Variants in CHRNB4 observed in about 807,000 individuals in gnomAD.
The protein encoded by CHRNB4 is neuronal acetylcholine receptor subunit beta-4.
A neutral mutation model predicts 40.4 loss-of-function variants in CHRNB4; 23 were observed. The observed-to-expected ratio is 0.57, with a 90% CI of 0.41 to 0.81. The LOEUF is 0.81. CHRNB4 is among the 30% of genes least tolerant of loss of function. The pLI, the probability that CHRNB4 is intolerant of heterozygous loss-of-function variation, is 0.00. For missense variants in CHRNB4, 568 were observed against 670.6 expected (o/e 0.85, Z 1.69); for synonymous variants, 285 against 274.4 (o/e 1.04, Z -0.38).
upstream of CHRNB4, among the ~76,000 whole-genome samples, chr15:78,646,042 A>G (rs1195226910): frequency 2.0e-5 from 3 of 148,064 alleles, no homozygotes; most frequent in Admixed American, 2.0e-4. Flanking sequence ...CCTGGGCGAC[A>G]GAGTGAGACC....
intron 1 of CHRNB4, among the ~76,000 whole-genome samples, chr15:78,638,547 G>C (rs2054002407): frequency 6.6e-6 from 1 of 152,146 alleles, no homozygotes; most frequent in Non-Finnish European, 1.5e-5. Flanking sequence ...GCCCCACAGA[G>C]CCTGGAAATG....
intron 1 of CHRNB4, among the ~76,000 whole-genome samples, chr15:78,638,891 G>A (rs573027214): frequency 6.6e-6 from 1 of 152,204 alleles, no homozygotes; most frequent in Non-Finnish European, 1.5e-5. Context: ...CCCATGGGCT[G>A]ACAGTTAAAC....
intron 2 of CHRNB4, chr15:78,658,261 C>G (rs985938502): frequency 6.6e-6 from 1 of 152,052 alleles, no homozygotes; most frequent in Non-Finnish European, 1.5e-5. Flanking sequence ...GAACTCCTGA[C>G]CTCAGGTGAT....
intron 2 of CHRNB4, among the ~76,000 whole-genome samples, chr15:78,633,203 G>T (rs2053871874): frequency 6.6e-6 from 1 of 152,094 alleles, no homozygotes. Context: ...CTCACTTTGG[G>T]AGTCATTTCC....
intron 7 of CHRNB4, among the ~76,000 whole-genome samples, chr15:78,647,847 G>C (rs1174412557): frequency 9.0e-6 from 1 of 110,546 alleles, no homozygotes; most frequent in Non-Finnish European, 1.7e-5. Flanking sequence ...GCAACAGAGC[G>C]AGAGACTCCA....
intron 2 of CHRNB4, among the ~76,000 whole-genome samples, chr15:78,632,074 C>T (rs1208324785): frequency 2.0e-5 from 3 of 152,222 alleles, no homozygotes; most frequent in Admixed American, 2.0e-4. Context: ...GTCATCCTAT[C>T]TGAGAAATCT....
upstream of CHRNB4, chr15:78,661,423 AAC>A (rs2054252312): frequency 7.7e-6 from 4 of 520,428 alleles, no homozygotes; most frequent in South Asian, 3.3e-5. Context: ...TCATCTGAGC[AAC>A]AGAGTGACCG....
At chr15:78,641,337 G>A (rs1299735762), upstream of CHRNB4, 5 of 491,630 alleles carry the variant, frequency 1.0e-5, no homozygotes, top group Non-Finnish European at 1.7e-5. Context: ...GACGCCCCCT[G>A]GGTGGTCTGG....
At position 78,629,194 on chromosome 15, in the gene CHRNB4, C is replaced by T. The variant is rs753819024; in HGVS notation, c.1111G>A (p.Glu371Lys). The T allele has an allele frequency of 1.2e-5, 19 of 1,613,748 alleles. No homozygotes were observed. Among genetic ancestry groups the T allele is most frequent in the Non-Finnish European group, 1.4e-5 (17 of 1,179,894 alleles). Residue 371 changes from glutamate (E) to lysine (K), a missense_variant, in exon 5 of 6, where the codon GAG (glutamate) becomes AAG (lysine). Around this residue, in one of 4 missense-constraint regions of CHRNB4, gnomAD observed 242 missense variants for 274.9 expected, o/e 0.88. Coordinates refer to ENST00000261751, the MANE Select transcript of CHRNB4 (RefSeq NM_000750.5). The surrounding 1 kb of genome is among the most constrained non-coding windows in gnomAD (Gnocchi z 6.8). ...GGGCTGGTGGAGGTGGCGGTGGCCT[C>T]GGGCTTGGTCACGCATGACTTGCTG... ...PPSKSCVTKP[E>K]ATATSTSPSN...
At position 78,658,988 on chromosome 15, in the gene CHRNB4, T is replaced by C. The variant is rs150795991; in HGVS notation, c.-850-619A>G. 3.3e-3 allele frequency among the ~76,000 whole-genome samples: 496 copies of C among 152,356 alleles called. 6 individuals carry two copies. Among genetic ancestry groups the C allele is most frequent in the East Asian group, 0.031 (162 of 5,196 alleles). On this transcript the variant is annotated intron_variant and NMD_transcript_variant, in intron 1 of 11. Coordinates refer to the CHRNB4 transcript ENST00000559849. ...GAGGGTGAAGAGTAAGCATCTTTAT[T>C]ACTTTATTCACATACATTAACTGAG...
At chr15:78,638,144 G>A (rs2053993383) in intron 1 of CHRNB4, among the ~76,000 whole-genome samples, 1 of 152,204 alleles carries the variant, frequency 6.6e-6, no homozygotes, top group Admixed American at 6.5e-5. Context: ...CCACATCTCT[G>A]AAGTCCCACT....
rs780187394 is a variant in CHRNB4 at position 78,635,448 on chromosome 15, A to C, written c.195T>G (p.Leu65=). ...SIKLQLSLAQ[L]ISVNEREQIM... ...TGCCCTCTGCACCTACCACGCTGAT[A>C]AGCTGGGCCAGGGAGAGCTGCAGCT... The change falls in exon 2 of 6, where the codon CTT becomes CTG. Residue 65 remains leucine, a synonymous_variant. Coordinates refer to ENST00000261751, the MANE Select transcript of CHRNB4 (RefSeq NM_000750.5). 5 of 1,613,810 alleles carry C rather than the reference A, an allele frequency of 3.1e-6. No homozygotes were observed. The highest frequency in any genetic ancestry group is 2.2e-5 in the East Asian group (1 of 44,894).
intron 1 of CHRNB4, among the ~76,000 whole-genome samples, chr15:78,638,637 G>C (rs1403982789): frequency 6.6e-6 from 1 of 150,600 alleles, no homozygotes; most frequent in Non-Finnish European, 1.5e-5. Flanking sequence ...CCGGGGGGGT[G>C]GTGCACTGAA....
chr15:78,630,689 T>G (rs2053786279), intron 4 of CHRNB4, among the ~76,000 whole-genome samples: 2 of 152,146 alleles, frequency 1.3e-5, no homozygotes, highest in African/African-American at 4.8e-5. Flanking sequence ...TCAGGAAAAG[T>G]CTCTTTGGCT....
chr15:78,657,167 G>T (rs535420493), intron 3 of CHRNB4, among the ~76,000 whole-genome samples: 4 of 152,120 alleles, frequency 2.6e-5, no homozygotes, highest in Non-Finnish European at 5.9e-5. Context: ...TGGGGTTACA[G>T]GCACATGCCC....
intron 7 of CHRNB4, chr15:78,649,306 G>A (rs934934853): frequency 7.2e-6 from 3 of 417,188 alleles, no homozygotes; most frequent in South Asian, 3.5e-5. Context: ...AGTCACCCTT[G>A]TGTAGTGAGA....
chr15:78,645,238 C>T (rs2054113536), upstream of CHRNB4, among the ~76,000 whole-genome samples: 1 of 152,202 alleles, frequency 6.6e-6, no homozygotes, highest in African/African-American at 2.4e-5. Flanking sequence ...CTATTAATAG[C>T]TAATCCTGTG....
rs1051545292 is a variant in CHRNB4, at chr15:78,629,455, T to C, written c.850A>G (p.Ile284Val). The C allele has an allele frequency of 6.2e-7, 1 of 1,613,832 alleles. No homozygotes were observed. The highest frequency in any genetic ancestry group is 8.5e-7 in the Non-Finnish European group (1 of 1,179,994). The change falls in exon 5 of 6, where the codon ATC (isoleucine) becomes GTC (valine). Residue 284 changes from isoleucine (I) to valine (V), a missense_variant. This residue lies in a region of CHRNB4 where 38 missense variants were observed against 80.3 expected (regional missense o/e 0.47). Coordinates refer to ENST00000261751, the MANE Select transcript of CHRNB4 (RefSeq NM_000750.5). This position sits in a 1 kb window ranked among gnomAD's most constrained non-coding sequence, Gnocchi z 6.8. Reference sequence around the variant, plus strand: ...ACATCGAGGGAGGTGGGTGGCACGATCTTGGAGATGAGCAGCAGGAAGAAT... The same window carrying C: ...ACATCGAGGGAGGTGGGTGGCACGACCTTGGAGATGAGCAGCAGGAAGAAT... ...LTFFLLLISK[I>V]VPPTSLDVPL... is the part of the protein sequence containing the mutation.
At chr15:78,627,837 T>A (rs962328061) in intron 5 of CHRNB4, 1 of 152,214 alleles carries the variant, frequency 6.6e-6, no homozygotes, top group Admixed American at 6.5e-5. Context: ...CATTGCTTTA[T>A]CCTGTGAAAG....
Sources: allele counts gnomAD v4.1 joint callset (sites outside exome capture counted in the v4.1 genomes callset), GRCh38; gene constraint gnomAD v4.1.1; regional missense constraint gnomAD v4.1.1; non-coding constraint Gnocchi (gnomAD v3.1); transcripts MANE v1.5; gene names NCBI Gene and HGNC (gene_info 2026-07-23, HGNC 2026-07-21).